The following MTMR7 variants were observed in gnomAD, a reference collection of about 807,000 sequenced individuals.
The protein encoded by MTMR7 is myotubularin related protein 7.
A neutral mutation model predicts 81.2 loss-of-function variants in MTMR7; 76 were observed. The observed-to-expected ratio is 0.94, with a 90% CI of 0.78 to 1.13. The LOEUF (loss-of-function observed/expected upper bound fraction) is 1.13, where lower values mean the gene tolerates loss of function less well. Ranked by LOEUF, MTMR7 falls within the 50% of genes most tolerant of loss-of-function variation. MTMR7 has a pLI of 0.00. For synonymous variants in MTMR7, 372 were observed against 289.8 expected, an observed-to-expected ratio of 1.28 and a Z score of -2.88; for missense variants, 1,044 against 820.0, an observed-to-expected ratio of 1.27 and a Z score of -3.34.
At chr8:17,355,884 T>G (rs1031085486) in intron 4 of MTMR7, among the ~76,000 whole-genome samples, 1 of 152,148 alleles carries the variant, frequency 6.6e-6, no homozygotes, top group Non-Finnish European at 1.5e-5. Flanking sequence ...GAGATCCAAT[T>G]CATACCAATC....
At chr8:17,395,610 T>C (rs979963925) in intron 1 of MTMR7, among the ~76,000 whole-genome samples, 2 of 152,346 alleles carry the variant, frequency 1.3e-5, no homozygotes, top group Middle Eastern at 3.4e-3. Flanking sequence ...TTTTAAGTAA[T>C]AGTCATCCTA....
rs142193032 is a variant in MTMR7, at chr8:17,393,028, T to C, written c.25-19788A>G. On this transcript the variant is annotated intron_variant, in intron 1 of 13. Transcript: ENST00000180173. ...GAGAAAACCAAAGCTTTCAAGATCATATACCTAGCTATAATAATCAAGATT... is the reference window on the plus strand; with the variant it reads ...GAGAAAACCAAAGCTTTCAAGATCACATACCTAGCTATAATAATCAAGATT... Among the ~76,000 whole-genome samples, 397 of 152,296 alleles carry C rather than the reference T, an allele frequency of 2.6e-3. 1 individual carries two copies. Among genetic ancestry groups the C allele is most frequent in the African/African-American group, 8.6e-3 (359 of 41,556 alleles).
intron 7 of MTMR7, among the ~76,000 whole-genome samples, chr8:17,325,735 T>C (rs1447422026): frequency 6.6e-6 from 1 of 151,960 alleles, no homozygotes; most frequent in African/African-American, 2.4e-5. Context: ...CGTGCGCTGA[T>C]TGCACACAGA....
At chr8:17,312,448 G>C (rs1004645468) in intron 8 of MTMR7, among the ~76,000 whole-genome samples, 3 of 151,962 alleles carry the variant, frequency 2.0e-5, no homozygotes, top group Non-Finnish European at 4.4e-5. Context: ...AGTGGCGCGT[G>C]CCAGTAATTC....
At chr8:17,387,018 A>ATC (rs1247590869) in intron 1 of MTMR7, among the ~76,000 whole-genome samples, 35 of 152,110 alleles carry the variant, frequency 2.3e-4, no homozygotes, top group Non-Finnish European at 4.4e-4. Flanking sequence ...GAGCTACAGT[A>ATC]TCTCCCCACT....
rs543035187 is a variant in MTMR7 at position 17,400,934 on chromosome 8, G to C, written c.24+12335C>G. 5.3e-5 allele frequency among the ~76,000 whole-genome samples: 8 copies of C among 152,268 alleles called. No individual in the cohort carries two copies. The South Asian group carries it at 6.2e-4, about 12-fold the overall frequency. ...TTTCATGAAATCCTCACTTTTAACA[G>C]GTCTAGCAAAAGTTGAAGTCTGGTG... On this transcript the variant is annotated intron_variant, in intron 1 of 13. Transcript: ENST00000180173.
chr8:17,410,290 G>A (rs779679261), intron 1 of MTMR7, among the ~76,000 whole-genome samples: 1 of 152,150 alleles, frequency 6.6e-6, no homozygotes, highest in Non-Finnish European at 1.5e-5. Context: ...ATGCCTTCCA[G>A]AAAGACCAAA....
At chr8:17,356,041 T>A (rs1224184068) in intron 4 of MTMR7, among the ~76,000 whole-genome samples, 1 of 152,132 alleles carries the variant, frequency 6.6e-6, no homozygotes, top group Non-Finnish European at 1.5e-5. Context: ...GGAGAAGAAA[T>A]CCCACTTTCA....
intron 1 of MTMR7, among the ~76,000 whole-genome samples, chr8:17,387,539 A>G (rs1157454597): frequency 6.6e-6 from 1 of 152,208 alleles, no homozygotes; most frequent in African/African-American, 2.4e-5. Context: ...AAAATGAATA[A>G]AGATCTTGTA....
intron 8 of MTMR7, among the ~76,000 whole-genome samples, 175 bp downstream of exon 8, chr8:17,313,117 G>A (rs1348943573): frequency 1.3e-5 from 2 of 152,200 alleles, no homozygotes; most frequent in Admixed American, 6.5e-5. Flanking sequence ...GCTAAGCATT[G>A]TATTCTTTCG....
chr8:17,310,177 T>A (rs1325100665), intron 9 of MTMR7, among the ~76,000 whole-genome samples: 3 of 151,846 alleles, frequency 2.0e-5, no homozygotes, highest in Non-Finnish European at 4.4e-5. Context: ...TTTTTTTAAT[T>A]TTTTATAGAG....
Position 17,340,420 on chromosome 8 carries a change from T to A in MTMR7, c.732+943A>T, listed in dbSNP as rs6651489. ...TTCATTAGTGGCTAGGAAAGTGCAA[T>A]TGCAAATAAGCTGACTAAGGGACGT... On this transcript the variant is annotated intron_variant, in intron 6 of 13. Coordinates refer to ENST00000180173, the MANE Select transcript of MTMR7 (RefSeq NM_004686.5). Among the ~76,000 whole-genome samples, 331 of 152,352 alleles carry A rather than the reference T, an allele frequency of 2.2e-3. 5 individuals are homozygous for A. The highest frequency in any genetic ancestry group is 7.6e-3 in the African/African-American group (317 of 41,588).
chr8:17,371,082 C>T lies in MTMR7; in HGVS notation c.265G>A (p.Asp89Asn), dbSNP rs1269136951. Reference sequence around the variant, plus strand: ...AGGGAGATGTACACGTCGTGGCAATCTCTTTCCTGAGGTATGATGAGCTGT... The same window carrying T: ...AGGGAGATGTACACGTCGTGGCAATTTCTTTCCTGAGGTATGATGAGCTGT... ...IIQLIIPQER[D>N]CHDVYISLIR... Residue 89 changes from aspartate to asparagine, a missense_variant, in exon 3 of 14, where the codon GAT (aspartate) becomes AAT (asparagine). By Grantham distance (23) the Asp-to-Asn change is conservative. Coordinates refer to ENST00000180173, the MANE Select transcript of MTMR7 (RefSeq NM_004686.5). The T allele has an allele frequency of 6.2e-7, 1 of 1,614,126 alleles. No individual in the cohort carries two copies. Among genetic ancestry groups the T allele is most frequent in the Non-Finnish European group, 8.5e-7 (1 of 1,180,004 alleles).
chr8:17,374,028 A>T (rs1820498191), intron 1 of MTMR7, among the ~76,000 whole-genome samples: 1 of 152,208 alleles, frequency 6.6e-6, no homozygotes, highest in African/African-American at 2.4e-5. Flanking sequence ...CACCATAACC[A>T]CCAGAGGAAC....
chr8:17,306,950 A>G (rs538676617), intron 10 of MTMR7, among the ~76,000 whole-genome samples: 55 of 152,298 alleles, frequency 3.6e-4, no homozygotes, highest in African/African-American at 1.3e-3. Context: ...AAGAAAACCT[A>G]GGCAATACCA....
intron 1 of MTMR7, among the ~76,000 whole-genome samples, chr8:17,379,168 C>T (rs912331404): frequency 3.3e-5 from 5 of 152,132 alleles, no homozygotes; most frequent in African/African-American, 9.7e-5. Flanking sequence ...AAGTGGCCCA[C>T]TACATTCAGG....
chr8:17,404,789 T>C (rs1372896747), intron 1 of MTMR7, among the ~76,000 whole-genome samples: 1 of 152,122 alleles, frequency 6.6e-6, no homozygotes, highest in Admixed American at 6.6e-5. Context: ...TATCAGGTTT[T>C]TTTGTTGGTG....
At chr8:17,411,079 T>C (rs1190351069) in intron 1 of MTMR7, among the ~76,000 whole-genome samples, 1 of 152,202 alleles carries the variant, frequency 6.6e-6, no homozygotes, top group African/African-American at 2.4e-5. Flanking sequence ...CTGTAAGTAA[T>C]GTTGTTCTCT....
At position 17,302,186 on chromosome 8, in the gene MTMR7, G is replaced by T. The variant is rs370071982; in HGVS notation, c.1588C>A (p.Gln530Lys). The T allele has an allele frequency of 5.4e-5, 87 of 1,614,100 alleles. No individual in the cohort carries two copies. The highest frequency in any genetic ancestry group is 6.9e-5 in the Non-Finnish European group (81 of 1,179,988). Reference protein sequence around the residue: ...YLMAVKEETQQLEEELEALEE... With the variant: ...YLMAVKEETQKLEEELEALEE... ...AGGGCCTCTAGTTCTTCCTCTAGCT[G>T]CTGAGTTTCTTCCTTCACTGCCATT... The change falls in exon 13 of 14, where the codon CAG (glutamine) becomes AAG (lysine). Residue 530 changes from glutamine to lysine, a missense_variant. Coordinates refer to ENST00000180173, the MANE Select transcript of MTMR7 (RefSeq NM_004686.5).
Sources: gnomAD v4.1 joint callset for allele counts (sites outside exome capture counted in the v4.1 genomes callset) on GRCh38, gnomAD v4.1.1 for gene constraint, MANE v1.5 for transcripts, NCBI Gene and HGNC (gene_info 2026-07-23, HGNC 2026-07-21) for gene names.